CTNNA2: variants seen among roughly 807,000 people sequenced by gnomAD.
The protein encoded by CTNNA2 is catenin alpha-2.
CTNNA2 carries 42 observed loss-of-function variants against 101.0 expected under a neutral mutation model. The ratio of observed to expected loss-of-function variants is 0.42; its 90% CI spans 0.32 to 0.54. The LOEUF (loss-of-function observed/expected upper bound fraction) is 0.54, where lower values mean the gene tolerates loss of function less well. Among genes scored for constraint, CTNNA2 ranks in the 20% least tolerant of loss-of-function variants. CTNNA2 has a pLI of 0.14. For synonymous variants in CTNNA2, 450 were observed against 456.4 expected, an observed-to-expected ratio of 0.99 and a Z score of 0.18; for missense variants, 871 against 1,223.1, an observed-to-expected ratio of 0.71 and a Z score of 4.29.
At chr2:79,483,755 CTG>C (rs1457349817) in intron 4 of CTNNA2, among the ~76,000 whole-genome samples, 2 of 152,194 alleles carry the variant, frequency 1.3e-5, no homozygotes, top group African/African-American at 4.8e-5. Flanking sequence ...ATTTTTATGA[CTG>C]AGTAGTATTC....
intron 2 of CTNNA2, among the ~76,000 whole-genome samples, chr2:79,210,909 C>G (rs1442992721): frequency 6.6e-6 from 1 of 152,090 alleles, no homozygotes; most frequent in Non-Finnish European, 1.5e-5. Context: ...CTCTGAAGCC[C>G]TCCCTCTCCC....
At chr2:80,494,477 C>T (rs1430449478) in intron 9 of CTNNA2, among the ~76,000 whole-genome samples, 1 of 151,824 alleles carries the variant, frequency 6.6e-6, no homozygotes, top group Admixed American at 6.6e-5. Context: ...GTATTAGATG[C>T]ATGGTGGGGG....
chr2:79,460,690 G>T (rs906559380), intron 4 of CTNNA2, among the ~76,000 whole-genome samples: 1 of 152,002 alleles, frequency 6.6e-6, no homozygotes, highest in African/African-American at 2.4e-5. Context: ...GACTTTTAAT[G>T]GAAAAGGATT....
At chr2:79,580,625 G>T (rs1311365159) in intron 1 of CTNNA2, among the ~76,000 whole-genome samples, 1 of 152,046 alleles carries the variant, frequency 6.6e-6, no homozygotes, top group East Asian at 1.9e-4. Flanking sequence ...ATTTGTTGTG[G>T]CCACAGTATA....
intron 3 of CTNNA2, among the ~76,000 whole-genome samples, chr2:79,854,161 T>C (rs1680950655): frequency 6.6e-6 from 1 of 152,166 alleles, no homozygotes; most frequent in South Asian, 2.1e-4. Context: ...AAACAATAAG[T>C]ACTTTTATTG....
At chr2:80,350,605 C>T (rs2149296915) in intron 7 of CTNNA2, among the ~76,000 whole-genome samples, 1 of 152,262 alleles carries the variant, frequency 6.6e-6, no homozygotes, top group East Asian at 1.9e-4. Flanking sequence ...ACTAAGAGTC[C>T]ATACCTTGTA....
chr2:79,975,718 T>C (rs2104587064), intron 7 of CTNNA2, among the ~76,000 whole-genome samples: 1 of 152,328 alleles, frequency 6.6e-6, no homozygotes. Flanking sequence ...TTACAAAAGA[T>C]ACAGATGAAT....
intron 7 of CTNNA2, among the ~76,000 whole-genome samples, chr2:80,027,517 A>G (rs956009400): frequency 2.6e-5 from 4 of 152,222 alleles, no homozygotes; most frequent in Non-Finnish European, 5.9e-5. Context: ...TGTTGGGACA[A>G]AAGACGAAGT....
intron 7 of CTNNA2, among the ~76,000 whole-genome samples, chr2:79,930,270 GAAAGAA>G (rs753741346): frequency 0.13 from 1,854 of 14,826 alleles, 34 homozygotes; most frequent in Middle Eastern, 0.18. Flanking sequence ...AAGAAAGAAA[GAAAGAA>G]AGAGAGAGAG....
intron 2 of CTNNA2, among the ~76,000 whole-genome samples, chr2:79,252,057 C>G (rs986604013): frequency 2.6e-5 from 4 of 152,128 alleles, no homozygotes; most frequent in African/African-American, 9.7e-5. Context: ...TCAAACACAC[C>G]AGAAAGGGGC....
chr2:80,222,834 CAATAT>C (rs1708645325), intron 7 of CTNNA2, among the ~76,000 whole-genome samples: 1 of 152,066 alleles, frequency 6.6e-6, no homozygotes, highest in Non-Finnish European at 1.5e-5. Context: ...CAAATATGTA[CAATAT>C]AATATGTCAG....
chr2:79,985,429 C>T (rs1431699700), intron 7 of CTNNA2, among the ~76,000 whole-genome samples: 3 of 142,812 alleles, frequency 2.1e-5, no homozygotes, highest in African/African-American at 6.1e-5. Context: ...TGTGTGCAAA[C>T]TGCCTCTTCA....
intron 2 of CTNNA2, among the ~76,000 whole-genome samples, chr2:79,275,528 A>G (rs906805960): frequency 2.6e-5 from 4 of 151,950 alleles, no homozygotes; most frequent in African/African-American, 2.4e-5. Context: ...TTTCTACACT[A>G]TGGTTCTAGA....
intron 4 of CTNNA2, among the ~76,000 whole-genome samples, chr2:79,470,079 G>T (rs1042293292): frequency 6.6e-6 from 1 of 152,186 alleles, no homozygotes; most frequent in Admixed American, 6.5e-5. Context: ...AGGAAAAGAG[G>T]AAGTCAAATT....
chr2:79,287,531 G>T (rs1302270305), intron 2 of CTNNA2, among the ~76,000 whole-genome samples: 2 of 132,074 alleles, frequency 1.5e-5, no homozygotes, highest in Non-Finnish European at 3.2e-5. Flanking sequence ...GTGTCAGTCT[G>T]CCCCTGCTGG....
At chr2:80,594,097 A>T (rs1362211374) in intron 15 of CTNNA2, among the ~76,000 whole-genome samples, 1 of 152,154 alleles carries the variant, frequency 6.6e-6, no homozygotes, top group Non-Finnish European at 1.5e-5. Flanking sequence ...CCAGCAATAC[A>T]CAAGTGTTCA....
chr2:80,357,073 T>C (rs1673883394), intron 7 of CTNNA2, among the ~76,000 whole-genome samples: 1 of 152,124 alleles, frequency 6.6e-6, no homozygotes, highest in Admixed American at 6.6e-5. Flanking sequence ...TATGCACCCC[T>C]TGAGGAGTGC....
intron 1 of CTNNA2, among the ~76,000 whole-genome samples, chr2:79,569,948 T>C (rs1675358845): frequency 1.3e-5 from 2 of 152,184 alleles, no homozygotes; most frequent in African/African-American, 4.8e-5. Flanking sequence ...AATTGTGTCC[T>C]CCTGAATGCA....
chr2:79,867,284 G>T (rs1682186586), intron 4 of CTNNA2, among the ~76,000 whole-genome samples: 2 of 152,090 alleles, frequency 1.3e-5, no homozygotes, highest in African/African-American at 4.8e-5. Flanking sequence ...TGTCAATATT[G>T]TCTGTTCACT....
Sources: allele counts gnomAD v4.1 joint callset (sites outside exome capture counted in the v4.1 genomes callset), GRCh38; gene constraint gnomAD v4.1.1; transcripts MANE v1.5; gene names NCBI Gene and HGNC (gene_info 2026-07-23, HGNC 2026-07-21).